EYS: variants seen among roughly 807,000 people sequenced by gnomAD.
EYS encodes EGF-like photoreceptor maintenance factor.
In EYS, 250 loss-of-function variants were observed where a neutral mutation model predicts 282.1. That is an observed-to-expected ratio of 0.89 (90% CI 0.80 to 0.98). The LOEUF (loss-of-function observed/expected upper bound fraction) is 0.98. Among genes scored for constraint, EYS ranks in the 50% least tolerant of loss-of-function variants. The probability of loss-of-function intolerance (pLI) is 0.00; values close to 1 mark genes in which losing one functional copy is unlikely to be tolerated. For missense variants in EYS, 4,016 were observed against 3,709.0 expected (o/e 1.08, Z -2.15); for synonymous variants, 1,355 against 1,282.9 (o/e 1.06, Z -1.20).
intron 9 of EYS, 74 bp downstream of exon 9, chr6:65,353,384 T>C: frequency 7.7e-7 from 1 of 1,292,460 alleles, no homozygotes. Context: ...TTTGTGTGTT[T>C]AGAAAATGAA....
intron 28 of EYS, among the ~76,000 whole-genome samples, chr6:64,389,918 AC>A (rs1773052013): frequency 1.3e-5 from 2 of 151,826 alleles, no homozygotes; most frequent in African/African-American, 4.8e-5. Context: ...GGGTGTGCAC[AC>A]CGTGCGCCAG....
At chr6:64,002,490 C>T (rs1409394421) in intron 33 of EYS, among the ~76,000 whole-genome samples, 2 of 152,176 alleles carry the variant, frequency 1.3e-5, no homozygotes, top group Non-Finnish European at 1.5e-5. Flanking sequence ...AACACATGCC[C>T]ACTTGGGTTT....
chr6:64,364,740 A>T (rs2150410482), intron 29 of EYS, among the ~76,000 whole-genome samples: 1 of 151,942 alleles, frequency 6.6e-6, no homozygotes, highest in South Asian at 2.1e-4. Flanking sequence ...TAGACATTGG[A>T]AACTTTAAAA....
At chr6:64,847,246 C>A (rs567551570) in intron 19 of EYS, among the ~76,000 whole-genome samples, 1 of 151,772 alleles carries the variant, frequency 6.6e-6, no homozygotes, top group African/African-American at 2.4e-5. Flanking sequence ...TCTCTCCTGC[C>A]ATTCTCTCCA....
At chr6:64,692,077 C>T (rs1003706242) in intron 22 of EYS, among the ~76,000 whole-genome samples, 2 of 152,160 alleles carry the variant, frequency 1.3e-5, no homozygotes, top group African/African-American at 2.4e-5. Context: ...AATATCCACA[C>T]TGCTTTCTAC....
chr6:64,990,610 G>A (rs1247707816), intron 14 of EYS, among the ~76,000 whole-genome samples: 1 of 151,586 alleles, frequency 6.6e-6, no homozygotes. Flanking sequence ...TTTCTGGAAA[G>A]TGCTGACTTT....
At chr6:63,948,219 G>A (rs1765455832) in intron 35 of EYS, among the ~76,000 whole-genome samples, 1 of 152,136 alleles carries the variant, frequency 6.6e-6, no homozygotes, top group Non-Finnish European at 1.5e-5. Context: ...GAACACTTGC[G>A]ATCTGTCCTT....
chr6:64,927,752 TATC>T (rs1297378419), intron 15 of EYS, among the ~76,000 whole-genome samples: 1 of 152,142 alleles, frequency 6.6e-6, no homozygotes, highest in African/African-American at 2.4e-5. Context: ...AATATCAGTA[TATC>T]ATCTGGCCAT....
intron 31 of EYS, among the ~76,000 whole-genome samples, chr6:64,100,773 A>C (rs548065689): frequency 6.6e-6 from 1 of 152,302 alleles, no homozygotes; most frequent in African/African-American, 2.4e-5. Flanking sequence ...AAGGGTCATT[A>C]AAGAATTCTT....
At position 65,176,665 on chromosome 6, in the gene EYS, A is replaced by G. The variant is rs142041276; in HGVS notation, c.2024-118938T>C. Among the ~76,000 whole-genome samples, 281 of 151,814 alleles carry G rather than the reference A, an allele frequency of 1.9e-3. 1 individual carries two copies. The highest frequency in any genetic ancestry group is 6.5e-3 in the African/African-American group (270 of 41,536). On this transcript the variant is annotated intron_variant, in intron 12 of 42. Coordinates refer to ENST00000503581, the MANE Select transcript of EYS (RefSeq NM_001142800.2). ...TTAAAGTCTATGTGAAAAGTGAGGAAGTATTTTCAACAATCCAAATTTCAG... is the reference window on the plus strand; with the variant it reads ...TTAAAGTCTATGTGAAAAGTGAGGAGGTATTTTCAACAATCCAAATTTCAG...
intron 31 of EYS, among the ~76,000 whole-genome samples, chr6:64,128,911 A>T (rs902742321): frequency 6.6e-6 from 1 of 152,170 alleles, no homozygotes; most frequent in African/African-American, 2.4e-5. Context: ...TAAGATCTAG[A>T]ATAATAGCAG....
intron 12 of EYS, among the ~76,000 whole-genome samples, chr6:65,201,989 G>C (rs1765913929): frequency 6.6e-6 from 1 of 152,000 alleles, no homozygotes; most frequent in African/African-American, 2.4e-5. Flanking sequence ...ACGCACACCT[G>C]TAGTCCCAGC....
chr6:63,982,774 G>A (rs1228707005), intron 35 of EYS, among the ~76,000 whole-genome samples: 1 of 151,714 alleles, frequency 6.6e-6, no homozygotes, highest in Non-Finnish European at 1.5e-5. Context: ...GGATTGCAGG[G>A]CCATAGTAGG....
intron 5 of EYS, among the ~76,000 whole-genome samples, chr6:65,472,749 G>T (rs1044559845): frequency 6.6e-5 from 10 of 151,726 alleles, no homozygotes; most frequent in Admixed American, 1.3e-4. Context: ...CTCATTAACT[G>T]GTTTATGTAT....
intron 8 of EYS, among the ~76,000 whole-genome samples, chr6:65,371,011 C>G (rs1288790474): frequency 2.0e-5 from 3 of 150,930 alleles, no homozygotes; most frequent in Non-Finnish European, 4.4e-5. Flanking sequence ...AAAAAAAAAA[C>G]ACAGAAAGTG....
At chr6:64,389,992 G>T (rs602650) in intron 28 of EYS, among the ~76,000 whole-genome samples, 100,312 of 146,138 alleles carry the variant, frequency 0.69, 34,540 homozygotes, top group Non-Finnish European at 0.71. Flanking sequence ...TTCCCTTTCC[G>T]AGTCAAAGAA....
chr6:63,828,311 G>T (rs1771530296), intron 36 of EYS, among the ~76,000 whole-genome samples: 1 of 152,124 alleles, frequency 6.6e-6, no homozygotes, highest in African/African-American at 2.4e-5. Flanking sequence ...GAAAAGATAA[G>T]TAAAATTGAT....
intron 33 of EYS, among the ~76,000 whole-genome samples, 157 bp from the exon 34 acceptor site, chr6:63,999,340 G>A (rs1302866113): frequency 1.3e-5 from 2 of 152,214 alleles, no homozygotes; most frequent in Non-Finnish European, 2.9e-5. Context: ...ACATTTTCAA[G>A]TAGATAAAAG....
At chr6:64,064,019 T>C (rs1213241407) in intron 33 of EYS, among the ~76,000 whole-genome samples, 1 of 152,186 alleles carries the variant, frequency 6.6e-6, no homozygotes, top group South Asian at 2.1e-4. Context: ...TGCCTGAAAC[T>C]CATAACCACT....
Sources: gnomAD v4.1 joint callset for allele counts (sites outside exome capture counted in the v4.1 genomes callset) on GRCh38, gnomAD v4.1.1 for gene constraint, MANE v1.5 for transcripts, NCBI Gene and HGNC (gene_info 2026-07-23, HGNC 2026-07-21) for gene names.